Variants in DNAH8 observed in about 807,000 individuals in gnomAD.
The protein encoded by DNAH8 is dynein axonemal heavy chain 8.
A neutral mutation model predicts 562.1 loss-of-function variants in DNAH8; 382 were observed. That is an observed-to-expected ratio of 0.68 (90% confidence interval 0.63 to 0.74). The LOEUF (loss-of-function observed/expected upper bound fraction) is 0.74, where lower values mean the gene tolerates loss of function less well. DNAH8 is among the 30% of genes least tolerant of loss of function. The pLI is 0.00. For missense variants in DNAH8, 5,203 were observed against 5,620.4 expected (o/e 0.93, Z 2.37); for synonymous variants, 1,881 against 1,919.4 (o/e 0.98, Z 0.52).
At position 38,971,669 on chromosome 6, in the gene DNAH8, T is replaced by C; in HGVS notation, c.12525+4T>C. 1.3e-6 allele frequency: 2 copies of C among 1,595,226 alleles called. No homozygotes were observed. Among genetic ancestry groups the C allele is most frequent in the Non-Finnish European group, 1.7e-6 (2 of 1,170,970 alleles). ...GATTCAGATGTCAATGCAGCAGGTA[T>C]GTGACAAGAGACTGCTCCTGCTGCA... On this transcript the variant is annotated splice_donor_region_variant and intron_variant, in intron 83 of 92. Transcript: ENST00000327475.
At chr6:38,745,949 T>G (rs1037206269) in intron 8 of DNAH8, among the ~76,000 whole-genome samples, 1 of 152,204 alleles carries the variant, frequency 6.6e-6, no homozygotes, top group Non-Finnish European at 1.5e-5. Context: ...AAATTGATCA[T>G]TTAGTTAGGG....
chr6:38,906,206 C>T lies in DNAH8; in HGVS notation c.9195-48C>T, dbSNP rs376564687. ...ACAGGTGTGAGCCACCGCGCCCAGC[C>T]GACTATATATTTTTTAATCTAAAAC... On this transcript the variant is annotated intron_variant, in intron 62 of 92. Transcript: ENST00000327475. The T allele has an allele frequency of 1.6e-4, 211 of 1,335,950 alleles. 1 individual carries two copies. In the East Asian group the frequency reaches 3.9e-3, roughly 24 times the overall value. The allele number at this position is 1,335,950 out of a possible 1,614,324, so 82.8% of individuals were successfully genotyped here.
At position 38,723,034 on chromosome 6, in the gene DNAH8, T is replaced by C. The variant is rs769210986; in HGVS notation, c.225T>C (p.Asp75=). The C allele has an allele frequency of 6.2e-7, 1 of 1,612,928 alleles. No individual in the cohort carries two copies. The highest frequency in any genetic ancestry group is 8.5e-7 in the Non-Finnish European group (1 of 1,179,900). ...CTGAAGAAGGGATAGTTCTTCCAGA[T>C]GATCATGAAGCGGATCTGAATAGAG... The part of the protein sequence containing the change: ...IPSEEGIVLP[D]DHEADLNRVR... The change falls in exon 2 of 93, where the codon GAT becomes GAC. Residue 75 remains aspartate, a synonymous_variant. Coordinates refer to ENST00000327475, the MANE Select transcript of DNAH8 (RefSeq NM_001206927.2).
intron 82 of DNAH8, among the ~76,000 whole-genome samples, chr6:38,970,773 A>G (rs1763281757): frequency 6.6e-6 from 1 of 152,196 alleles, no homozygotes; most frequent in Admixed American, 6.5e-5. Context: ...TCTAGAACTC[A>G]AGAAAATTTG....
At position 39,013,989 on chromosome 6, in the gene DNAH8, C is replaced by T. The variant is rs1277642511; in HGVS notation, c.13714+1352C>T. Reference sequence around the variant, plus strand: ...CCTTGGTGAAAATTCCTTGATATTGCTGTATACTGATGATTTGTGCAGGGT... The same window carrying T: ...CCTTGGTGAAAATTCCTTGATATTGTTGTATACTGATGATTTGTGCAGGGT... On this transcript the variant is annotated intron_variant, in intron 91 of 92. Coordinates refer to ENST00000327475, the MANE Select transcript of DNAH8 (RefSeq NM_001206927.2). Among the ~76,000 whole-genome samples, 4 of 152,050 alleles carry T rather than the reference C, an allele frequency of 2.6e-5. No individual in the cohort carries two copies. In the East Asian group the frequency reaches 7.8e-4, roughly 29 times the overall value.
At chr6:38,853,863 A>T (rs1041429031) in intron 41 of DNAH8, among the ~76,000 whole-genome samples, 7 of 152,178 alleles carry the variant, frequency 4.6e-5, no homozygotes, top group Non-Finnish European at 8.8e-5. Flanking sequence ...ATTGTCTCAT[A>T]TAATTTATTG....
At chr6:39,006,085 T>G (rs747956799) in intron 88 of DNAH8, among the ~76,000 whole-genome samples, 6 of 152,248 alleles carry the variant, frequency 3.9e-5, no homozygotes, top group Non-Finnish European at 8.8e-5. Flanking sequence ...AAGTTAATTC[T>G]GCCAACAACC....
rs1206266759 is a variant in DNAH8 at position 38,715,925 on chromosome 6, AAT to A, written c.-35+545_-35+546del. ...ATTAAAATAAATAAATAAATAAATA[AAT>A]ATATATATATATATATATATATATA... is the stretch of plus-strand genomic sequence containing the variant. On this transcript the variant is annotated intron_variant, in intron 1 of 92. Coordinates refer to ENST00000327475, the MANE Select transcript of DNAH8 (RefSeq NM_001206927.2). 6.3e-3 allele frequency among the ~76,000 whole-genome samples: 234 copies of A among 36,864 alleles called. 8 individuals are homozygous for A. The highest frequency in any genetic ancestry group is 0.019 in the Middle Eastern group (1 of 52). The allele number at this position is 36,864 out of a possible 152,430, so 24.2% of individuals were successfully genotyped here.
chr6:38,757,902 C>T (rs1407508939), intron 10 of DNAH8, among the ~76,000 whole-genome samples: 1 of 152,110 alleles, frequency 6.6e-6, no homozygotes, highest in East Asian at 1.9e-4. Flanking sequence ...GGTGCCAGTA[C>T]ATGCTGTTTT....
At chr6:38,728,548 A>G (rs1186854121) in intron 3 of DNAH8, among the ~76,000 whole-genome samples, 7 of 152,200 alleles carry the variant, frequency 4.6e-5, no homozygotes, top group Non-Finnish European at 8.8e-5. Context: ...TTTCAAAGCT[A>G]AAGGGTCAGC....
At chr6:38,987,232 GC>G (rs1764462422) in intron 87 of DNAH8, among the ~76,000 whole-genome samples, 1 of 152,178 alleles carries the variant, frequency 6.6e-6, no homozygotes, top group Non-Finnish European at 1.5e-5. Context: ...AAGAAGTGTC[GC>G]TGTCTCAGCC....
intron 42 of DNAH8, among the ~76,000 whole-genome samples, chr6:38,860,051 C>T (rs1441566776): frequency 2.0e-5 from 3 of 152,128 alleles, no homozygotes; most frequent in Admixed American, 6.5e-5. Context: ...CTCATGATCC[C>T]TTTTGTTCCC....
chr6:38,737,288 C>CA, intron 6 of DNAH8, 32 bp downstream of exon 6: 1 of 1,302,468 alleles, frequency 7.7e-7, no homozygotes, highest in Non-Finnish European at 1.0e-6. Flanking sequence ...TAGCAAATTG[C>CA]AAAAAAGAAG....
rs141808750 is a variant in DNAH8 at position 38,996,710 on chromosome 6, G to C, written c.13214+6538G>C. Among the ~76,000 whole-genome samples, 650 of 152,272 alleles carry C rather than the reference G, an allele frequency of 4.3e-3. 4 individuals carry two copies. Among genetic ancestry groups the C allele is most frequent in the Admixed American group, 7.5e-3 (114 of 15,292 alleles). The stretch of plus-strand genomic sequence containing the variant: ...CAAGGGGGGACTGATAGGACTTAGC[G>C]AATGCAGAGCAATGGCTGAGAACCT... On this transcript the variant is annotated intron_variant, in intron 88 of 92. Coordinates refer to ENST00000327475, the MANE Select transcript of DNAH8 (RefSeq NM_001206927.2).
intron 92 of DNAH8, among the ~76,000 whole-genome samples, chr6:39,029,450 CA>C (rs1767522272): frequency 1.3e-5 from 2 of 152,282 alleles, no homozygotes; most frequent in African/African-American, 4.8e-5. Flanking sequence ...TGCTGCTATT[CA>C]ATTCTTATCT....
intron 82 of DNAH8, among the ~76,000 whole-genome samples, chr6:38,961,971 A>G (rs1466887098): frequency 6.6e-6 from 1 of 152,022 alleles, no homozygotes; most frequent in Non-Finnish European, 1.5e-5. Context: ...TTAATAGTCT[A>G]ATAGTTCAGT....
intron 12 of DNAH8, among the ~76,000 whole-genome samples, chr6:38,771,390 A>G (rs1449411800): frequency 1.4e-5 from 2 of 143,678 alleles, no homozygotes; most frequent in African/African-American, 3.0e-5. Context: ...TAACAGCTTT[A>G]TTGAGACATA....
rs144194702 is a variant in DNAH8, at chr6:38,975,530, T to G, written c.12834+1001T>G. ...TCATCCCAGAAAATACTGTGTGTATTTACCCCTAATTCATTATCCCTACCA... is the reference window on the plus strand; with the variant it reads ...TCATCCCAGAAAATACTGTGTGTATGTACCCCTAATTCATTATCCCTACCA... On this transcript the variant is annotated intron_variant, in intron 85 of 92. Transcript: ENST00000327475. 2.7e-4 allele frequency among the ~76,000 whole-genome samples: 41 copies of G among 152,344 alleles called. No homozygotes were observed. In the East Asian group the frequency reaches 6.9e-3, roughly 26 times the overall value.
At chr6:39,011,190 C>T (rs1454767988) in intron 89 of DNAH8, among the ~76,000 whole-genome samples, 2 of 152,106 alleles carry the variant, frequency 1.3e-5, no homozygotes, top group Non-Finnish European at 2.9e-5. Context: ...AGAGGTGTCC[C>T]TTGCTGAAAG....
Sources: allele counts gnomAD v4.1 joint callset (sites outside exome capture counted in the v4.1 genomes callset), GRCh38; gene constraint gnomAD v4.1.1; transcripts MANE v1.5; gene names NCBI Gene and HGNC (gene_info 2026-07-23, HGNC 2026-07-21).